BCL11B: variants seen among roughly 807,000 people sequenced by gnomAD.
BCL11B encodes the protein BCL11 transcription factor B.
A neutral mutation model predicts 49.9 loss-of-function variants in BCL11B; 8 were observed. The ratio of observed to expected loss-of-function variants is 0.16; its 90% confidence interval spans 0.09 to 0.29. The LOEUF (loss-of-function observed/expected upper bound fraction) is 0.29, where lower values mean the gene tolerates loss of function less well. BCL11B is among the 10% of genes least tolerant of loss of function. The pLI is 1.00. For missense variants in BCL11B, 1,006 were observed against 1,351.0 expected (o/e 0.74, Z 4.00); for synonymous variants, 739 against 637.4 (o/e 1.16, Z -2.40).
chr14:99,222,017 C>T (rs956298999), intron 3 of BCL11B, among the ~76,000 whole-genome samples: 13 of 152,216 alleles, frequency 8.5e-5, no homozygotes, highest in Non-Finnish European at 1.3e-4. Context: ...CCGAGGGTTC[C>T]GTCCCACTGC....
chr14:99,199,958 G>A (rs890747450), intron 3 of BCL11B, among the ~76,000 whole-genome samples: 7 of 151,274 alleles, frequency 4.6e-5, no homozygotes, highest in Non-Finnish European at 8.8e-5. Flanking sequence ...ATAATACAGC[G>A]TGCCTGGGAA....
At chr14:99,235,605 G>T (rs1888472123) in intron 2 of BCL11B, among the ~76,000 whole-genome samples, 1 of 151,692 alleles carries the variant, frequency 6.6e-6, no homozygotes, top group South Asian at 2.1e-4. Flanking sequence ...TGAGGCTCAA[G>T]TTTCTCCCTT....
chr14:99,260,657 T>C (rs938974177), intron 1 of BCL11B, among the ~76,000 whole-genome samples: 1 of 152,184 alleles, frequency 6.6e-6, no homozygotes, highest in South Asian at 2.1e-4. Context: ...CTTTTTTTTA[T>C]TTTTTTATTT....
rs1888727144 is a variant in BCL11B at position 99,243,396 on chromosome 14, T to C, written c.428-11839A>G. Among the ~76,000 whole-genome samples the C allele has an allele frequency of 2.6e-5, 4 of 152,300 alleles. No individual in the cohort carries two copies. The South Asian group carries it at 8.3e-4, about 32-fold the overall frequency. On this transcript the variant is annotated intron_variant, in intron 2 of 3. Transcript: ENST00000357195. ...TTTGATTCCTTTCCCTTTTGCAAAT[T>C]AGTCACCCTGCCCCCACGGACTGAA...
intron 3 of BCL11B, among the ~76,000 whole-genome samples, chr14:99,198,913 C>G (rs1294141618): frequency 6.6e-6 from 1 of 152,138 alleles, no homozygotes; most frequent in Admixed American, 6.5e-5. Context: ...GGTCAGCCAT[C>G]CCCAGGTGCA....
chr14:99,214,747 C>T (rs897934242), intron 3 of BCL11B, among the ~76,000 whole-genome samples: 8 of 152,222 alleles, frequency 5.3e-5, no homozygotes, highest in African/African-American at 9.6e-5. Flanking sequence ...CCCGGCAGGA[C>T]GGTGCTGTTC....
chr14:99,211,654 C>T (rs1264720231), intron 3 of BCL11B, among the ~76,000 whole-genome samples: 1 of 152,142 alleles, frequency 6.6e-6, no homozygotes, highest in Non-Finnish European at 1.5e-5. Flanking sequence ...CCTGGTTCCT[C>T]GAGTCCATCG....
intron 1 of BCL11B, among the ~76,000 whole-genome samples, chr14:99,268,746 T>C (rs1186310055): frequency 6.6e-6 from 1 of 152,184 alleles, no homozygotes; most frequent in African/African-American, 2.4e-5. Context: ...CCTGTACACA[T>C]AGCCTGGGCT....
chr14:99,209,282 G>A (rs1158797158), intron 3 of BCL11B, among the ~76,000 whole-genome samples: 3 of 152,032 alleles, frequency 2.0e-5, no homozygotes, highest in African/African-American at 2.4e-5. Context: ...TCTCTCACTC[G>A]GCTCATAATC....
At chr14:99,212,091 C>T (rs949441764) in intron 3 of BCL11B, among the ~76,000 whole-genome samples, 8 of 152,280 alleles carry the variant, frequency 5.3e-5, no homozygotes, top group South Asian at 2.1e-4. Flanking sequence ...ATCATCCCTA[C>T]ACTTTGTCTT....
intron 2 of BCL11B, among the ~76,000 whole-genome samples, chr14:99,245,453 A>G (rs1223038292): frequency 2.0e-5 from 3 of 152,208 alleles, no homozygotes; most frequent in Non-Finnish European, 1.5e-5. Context: ...CCCCACTTTG[A>G]GATGGGGCTG....
At chr14:99,180,507 G>A (rs924297241) in intron 3 of BCL11B, among the ~76,000 whole-genome samples, 4 of 152,120 alleles carry the variant, frequency 2.6e-5, no homozygotes, top group Non-Finnish European at 4.4e-5. Context: ...ACAGCAGTGC[G>A]TCCATACCCC....
Position 99,271,115 on chromosome 14 carries a change from C to T in BCL11B, c.58+46G>A, listed in dbSNP as rs371600503. The T allele has an allele frequency of 4.0e-5, 61 of 1,509,490 alleles. No homozygotes were observed. In the African/African-American group the frequency reaches 4.8e-4, roughly 12 times the overall value. 93.5% of individuals were successfully genotyped at this position (1,509,490 alleles called of 1,614,324 possible). A position where few individuals can be genotyped will look rare whatever the true frequency, so the allele number is the denominator to read the frequency against. On this transcript the variant is annotated intron_variant, in intron 1 of 3. Coordinates refer to ENST00000357195, the MANE Select transcript of BCL11B (RefSeq NM_138576.4). Reference sequence around the variant, plus strand: ...CTCGGTGTCCCCAGCCCCAGACGCCCGGAGCCCCATCTCCGGCCCCTCGCG... The same window carrying T: ...CTCGGTGTCCCCAGCCCCAGACGCCTGGAGCCCCATCTCCGGCCCCTCGCG...
Position 99,171,744 on chromosome 14 carries a change from C to T in BCL11B, c.*2407G>A, listed in dbSNP as rs973026878. ...CATTTTTTTTGAAATAAAAATTCAA[C>T]ACCCAAGGCAGAAAAAAATTTACTA... On this transcript the variant is annotated 3_prime_UTR_variant, in exon 4 of 4. Coordinates refer to ENST00000357195, the MANE Select transcript of BCL11B (RefSeq NM_138576.4). 1.4e-5 allele frequency: 3 copies of T among 209,482 alleles called. No individual in the cohort carries two copies. The highest frequency in any genetic ancestry group is 6.8e-5 in the African/African-American group (3 of 43,846). 13.0% of individuals were successfully genotyped at this position (209,482 alleles called of 1,614,324 possible).
At chr14:99,198,347 G>A (rs1343482920) in intron 3 of BCL11B, among the ~76,000 whole-genome samples, 1 of 152,216 alleles carries the variant, frequency 6.6e-6, no homozygotes, top group African/African-American at 2.4e-5. Flanking sequence ...AGAACACACA[G>A]ACATCGAACG....
chr14:99,175,604 G>A lies in BCL11B; in HGVS notation c.1232C>T (p.Pro411Leu), dbSNP rs1886484563. Residue 411 changes from proline to leucine, a missense_variant, in exon 4 of 4, where the codon CCC (proline) becomes CTC (leucine). This residue lies in a region of BCL11B where 97 missense variants were observed against 81.5 expected (regional missense o/e 1.19). Coordinates refer to ENST00000357195, the MANE Select transcript of BCL11B (RefSeq NM_138576.4). ...GGGCGGCGTGCCGCCAGGGGGCATG[G>A]GCGGCAGCGGCGGCGTGCTCAGGAA... ...SPFLSTPPLP[P>L]MPPGGTPPPQ... 1 of 1,562,742 alleles carries A rather than the reference G, an allele frequency of 6.4e-7. No homozygotes were observed. Among genetic ancestry groups the A allele is most frequent in the Non-Finnish European group, 8.6e-7 (1 of 1,160,870 alleles).
Position 99,262,481 on chromosome 14 carries a change from G to C in BCL11B, c.59-4642C>G, listed in dbSNP as rs1485149139. On this transcript the variant is annotated intron_variant, in intron 1 of 3. Transcript: ENST00000357195. This position sits in a 1 kb window ranked among gnomAD's most constrained non-coding sequence, Gnocchi z 4.2. ...CAGAATTATTGTTTCAGTGATGACG[G>C]GGGTGGGAAAGGGAAGGATGTGGGG... 6.6e-6 allele frequency among the ~76,000 whole-genome samples: 1 copy of C among 152,152 alleles called. No individual in the cohort carries two copies.
At chr14:99,223,600 G>T (rs1888074463) in intron 3 of BCL11B, among the ~76,000 whole-genome samples, 1 of 152,182 alleles carries the variant, frequency 6.6e-6, no homozygotes, top group African/African-American at 2.4e-5. Context: ...TCCAGAAACA[G>T]CACCACCTTT....
intron 3 of BCL11B, among the ~76,000 whole-genome samples, chr14:99,229,003 A>ATGGAGGGATGG (rs1555381657): frequency 9.3e-6 from 1 of 107,538 alleles, no homozygotes; most frequent in African/African-American, 3.5e-5. Flanking sequence ...TACATGGATG[A>ATGGAGGGATGG]ATGGATGGAT....
Sources: gnomAD v4.1 joint callset for allele counts (sites outside exome capture counted in the v4.1 genomes callset) on GRCh38, gnomAD v4.1.1 for gene constraint, gnomAD v4.1.1 regional missense constraint, Gnocchi (gnomAD v3.1) non-coding constraint, MANE v1.5 for transcripts, NCBI Gene and HGNC (gene_info 2026-07-23, HGNC 2026-07-21) for gene names.